MBP: variants seen among roughly 807,000 people sequenced by gnomAD.
The protein encoded by MBP is Golli-MBP.
MBP carries 16 observed loss-of-function variants against 35.8 expected under a neutral mutation model. That is an observed-to-expected ratio of 0.45 (90% confidence interval 0.30 to 0.68). The LOEUF (loss-of-function observed/expected upper bound fraction) is 0.68, where lower values mean the gene tolerates loss of function less well. Ranked by LOEUF, MBP falls within the 30% of genes least tolerant of loss-of-function variation. The pLI, the probability that MBP is intolerant of heterozygous loss-of-function variation, is 0.08. For synonymous variants in MBP, 143 were observed against 159.6 expected (o/e 0.90, Z 0.78); for missense variants, 380 against 404.7 (o/e 0.94, Z 0.52).
chr18:77,040,219 TAGAA>T, intron 3 of MBP, among the ~76,000 whole-genome samples: 1 of 152,302 alleles, frequency 6.6e-6, no homozygotes, highest in East Asian at 1.9e-4. Flanking sequence ...CAAGTTTGTT[TAGAA>T]AGAATGGTCC....
chr18:77,056,955 C>T (rs973936840), intron 3 of MBP, among the ~76,000 whole-genome samples: 13 of 152,152 alleles, frequency 8.5e-5, no homozygotes, highest in African/African-American at 2.9e-4. Context: ...CACGCCCACA[C>T]CCACGGCGTG....
chr18:77,120,788 C>A (rs1344165414), intron 1 of MBP, among the ~76,000 whole-genome samples: 3 of 152,152 alleles, frequency 2.0e-5, no homozygotes, highest in African/African-American at 7.2e-5. Context: ...GGAAAGAGGT[C>A]AGGAATAAAC....
intron 3 of MBP, among the ~76,000 whole-genome samples, chr18:77,037,200 A>T (rs1024480917): frequency 7.9e-5 from 11 of 139,038 alleles, no homozygotes; most frequent in Non-Finnish European, 9.3e-5. Context: ...TTTTGGAGAC[A>T]GAGCTGAGCA....
intron 4 of MBP, chr18:77,016,061 AG>A: frequency 1.0e-6 from 1 of 985,456 alleles, no homozygotes; most frequent in African/African-American, 1.7e-5. Flanking sequence ...AATGGCACTC[AG>A]GGACCAGCGC....
chr18:77,056,135 G>A (rs937855121), intron 3 of MBP, among the ~76,000 whole-genome samples: 2 of 149,702 alleles, frequency 1.3e-5, no homozygotes, highest in Non-Finnish European at 3.0e-5. Flanking sequence ...CCGTGACCCC[G>A]TGCGCCCGGG....
Position 76,988,534 on chromosome 18 carries a change from G to A in MBP, c.718-7C>T, listed in dbSNP as rs377557155. The A allele has an allele frequency of 3.1e-5, 50 of 1,609,504 alleles. No individual in the cohort carries two copies. Among genetic ancestry groups the A allele is most frequent in the Non-Finnish European group, 4.2e-5 (50 of 1,176,948 alleles). On this transcript the variant is annotated splice_polypyrimidine_tract_variant and splice_region_variant and intron_variant, in intron 6 of 8. Transcript: ENST00000355994. This position sits in a 1 kb window ranked among gnomAD's most constrained non-coding sequence, Gnocchi z 5.2. The stretch of plus-strand genomic sequence containing the variant: ...TCAGGGACAGTCCTCTCCCCTGCAT[G>A]AGGAAGACAGAGAAATAATGACATG...
At chr18:77,050,399 A>T (rs542103296) in intron 3 of MBP, among the ~76,000 whole-genome samples, 1 of 152,338 alleles carries the variant, frequency 6.6e-6, no homozygotes, top group South Asian at 2.1e-4. Flanking sequence ...TATATTTTAA[A>T]TGTTAGATTA....
intron 4 of MBP, among the ~76,000 whole-genome samples, chr18:76,996,240 A>C (rs1323958467): frequency 6.6e-6 from 1 of 152,184 alleles, no homozygotes; most frequent in African/African-American, 2.4e-5. Context: ...GTTTCTTAGA[A>C]AGTTAACCCT....
At chr18:77,114,594 C>T (rs1249848125) in intron 1 of MBP, 2 of 152,196 alleles carry the variant, frequency 1.3e-5, no homozygotes, top group East Asian at 3.8e-4. Flanking sequence ...ATAGCGAGGT[C>T]ATGAGGAAAC....
chr18:77,059,063 G>A (rs1973859089), intron 3 of MBP, among the ~76,000 whole-genome samples: 1 of 152,092 alleles, frequency 6.6e-6, no homozygotes, highest in African/African-American at 2.4e-5. Flanking sequence ...GCACGAGTTC[G>A]GGGAAAATAA....
chr18:77,034,730 G>A (rs936909364), intron 3 of MBP, among the ~76,000 whole-genome samples: 23 of 152,244 alleles, frequency 1.5e-4, no homozygotes, highest in South Asian at 4.2e-4. Flanking sequence ...TCGCTCCTTC[G>A]GAGATTCTCT....
At chr18:77,054,435 G>A (rs117322811) in intron 3 of MBP, among the ~76,000 whole-genome samples, 6,815 of 152,326 alleles carry the variant, frequency 0.045, 208 homozygotes, top group Middle Eastern at 0.068. Context: ...AGGAGATGTG[G>A]TTGGAGAGGC....
rs114773446 is a variant in MBP, at chr18:77,009,529, T to C, written c.576+7303A>G. Among the ~76,000 whole-genome samples, 1,010 of 152,350 alleles carry C rather than the reference T, an allele frequency of 6.6e-3. 13 individuals carry two copies. Among genetic ancestry groups the C allele is most frequent in the African/African-American group, 0.023 (962 of 41,596 alleles). ...GCCACTCCCGGGCCCCTCCACGCAC[T>C]TCAGGCCTCGGCAAAGTGAGGCAGA... On this transcript the variant is annotated intron_variant, in intron 4 of 8. Transcript: ENST00000355994.
intron 2 of MBP, chr18:77,067,772 G>A (rs373563739): frequency 3.0e-5 from 15 of 494,634 alleles, no homozygotes; most frequent in South Asian, 1.0e-4. Context: ...CATTTCCTGG[G>A]AGCCTTTAAC....
intron 8 of MBP, 163 bp from the exon 9 acceptor site, chr18:76,980,634 C>T (rs907553076): frequency 3.2e-6 from 2 of 615,576 alleles, no homozygotes; most frequent in South Asian, 1.9e-5. Context: ...TTCCATTTCT[C>T]CCGACCTCCC....
intron 3 of MBP, among the ~76,000 whole-genome samples, chr18:77,028,193 T>C (rs1972304812): frequency 1.4e-5 from 2 of 142,742 alleles, no homozygotes; most frequent in African/African-American, 5.1e-5. Flanking sequence ...GTGATGACTC[T>C]TAACGAGCAT....
intron 1 of MBP, among the ~76,000 whole-genome samples, chr18:77,121,971 G>A (rs572397501): frequency 1.3e-5 from 2 of 152,292 alleles, no homozygotes; most frequent in South Asian, 4.1e-4. Context: ...TCAAATTACT[G>A]AGTTAATTTA....
At chr18:77,097,522 G>A (rs1193439477) in intron 2 of MBP, 1 of 152,298 alleles carries the variant, frequency 6.6e-6, no homozygotes, top group African/African-American at 2.4e-5. Context: ...GAGGAAAACA[G>A]CTACCCTCGG....
intron 2 of MBP, among the ~76,000 whole-genome samples, chr18:77,098,662 G>A (rs760262217): frequency 2.6e-5 from 4 of 152,188 alleles, no homozygotes; most frequent in Non-Finnish European, 5.9e-5. Context: ...ACAGCTCTTG[G>A]TTCAGAAGCT....
Sources: gnomAD v4.1 joint callset for allele counts (sites outside exome capture counted in the v4.1 genomes callset) on GRCh38, gnomAD v4.1.1 for gene constraint, Gnocchi (gnomAD v3.1) non-coding constraint, MANE v1.5 for transcripts, NCBI Gene and HGNC (gene_info 2026-07-23, HGNC 2026-07-21) for gene names.